Variants in CREB3L2 observed in about 807,000 individuals in gnomAD.
The protein encoded by CREB3L2 is cyclic AMP-responsive element-binding protein 3-like protein 2.
A neutral mutation model predicts 57.2 loss-of-function variants in CREB3L2; 23 were observed. That is an observed-to-expected ratio of 0.40 (90% confidence interval 0.29 to 0.57). The LOEUF (loss-of-function observed/expected upper bound fraction) is 0.57, where lower values mean the gene tolerates loss of function less well. Among genes scored for constraint, CREB3L2 ranks in the 20% least tolerant of loss-of-function variants. The pLI is 0.42. For synonymous variants in CREB3L2, 268 were observed against 265.1 expected, an observed-to-expected ratio of 1.01 and a Z score of -0.11; for missense variants, 628 against 634.7, an observed-to-expected ratio of 0.99 and a Z score of 0.11.
At chr7:137,926,942 AG>A (rs1800479055) in intron 2 of CREB3L2, among the ~76,000 whole-genome samples, 1 of 152,168 alleles carries the variant, frequency 6.6e-6, no homozygotes, top group Non-Finnish European at 1.5e-5. Context: ...TCAGCCCAGG[AG>A]TTCAAAACCA....
chr7:137,929,005 T>C (rs918795710), intron 1 of CREB3L2, among the ~76,000 whole-genome samples: 1 of 152,198 alleles, frequency 6.6e-6, no homozygotes, highest in East Asian at 1.9e-4. Context: ...CAATCCTCTG[T>C]TTCTATAGCA....
chr7:137,998,591 G>T (rs1229850534), intron 1 of CREB3L2, among the ~76,000 whole-genome samples: 1 of 152,158 alleles, frequency 6.6e-6, no homozygotes, highest in Non-Finnish European at 1.5e-5. Flanking sequence ...AAATAGCTGT[G>T]GGAACTGAGC....
At chr7:137,972,538 G>A (rs184563858) in intron 1 of CREB3L2, among the ~76,000 whole-genome samples, 22 of 149,510 alleles carry the variant, frequency 1.5e-4, no homozygotes, top group Admixed American at 1.2e-3. Flanking sequence ...AATAAGAACA[G>A]TATTTTTTTC....
At chr7:137,985,788 G>A (rs977075159) in intron 1 of CREB3L2, among the ~76,000 whole-genome samples, 2 of 152,154 alleles carry the variant, frequency 1.3e-5, no homozygotes, top group Non-Finnish European at 2.9e-5. Flanking sequence ...GCAGGTGCCT[G>A]AAAATTTGAA....
intron 8 of CREB3L2, among the ~76,000 whole-genome samples, chr7:137,892,204 T>C (rs559593490): frequency 3.4e-4 from 52 of 152,288 alleles, no homozygotes; most frequent in African/African-American, 1.2e-3. Context: ...AACTATCGAT[T>C]TGTGAAGCAT....
intron 2 of CREB3L2, among the ~76,000 whole-genome samples, chr7:137,927,261 C>T (rs1054780673): frequency 3.0e-4 from 34 of 114,836 alleles, no homozygotes; most frequent in South Asian, 6.4e-4. Context: ...CGGAACAGAA[C>T]GGAAAGGAAA....
intron 4 of CREB3L2, among the ~76,000 whole-genome samples, chr7:137,911,553 T>A (rs1279700718): frequency 6.6e-6 from 1 of 152,254 alleles, no homozygotes; most frequent in Non-Finnish European, 1.5e-5. Flanking sequence ...AAAGTATGAA[T>A]GGGACCGGGT....
At chr7:137,913,352 C>CA (rs1800056875) in intron 3 of CREB3L2, among the ~76,000 whole-genome samples, 1 of 151,854 alleles carries the variant, frequency 6.6e-6, no homozygotes, top group African/African-American at 2.4e-5. Flanking sequence ...CAAAAAAATA[C>CA]AAAAATTAGC....
At chr7:137,976,003 G>C (rs1316098511) in intron 1 of CREB3L2, among the ~76,000 whole-genome samples, 1 of 152,188 alleles carries the variant, frequency 6.6e-6, no homozygotes, top group Non-Finnish European at 1.5e-5. Flanking sequence ...CCAAGAGTCT[G>C]ATCCCATAAG....
At chr7:137,905,910 C>A in intron 5 of CREB3L2, 62 bp from the exon 6 acceptor site, 1 of 1,442,784 alleles carries the variant, frequency 6.9e-7, no homozygotes, top group Non-Finnish European at 9.4e-7. Flanking sequence ...TGAAGAATCA[C>A]CTCCCAATGG....
chr7:137,982,246 A>G (rs976742357), intron 1 of CREB3L2, among the ~76,000 whole-genome samples: 16 of 152,222 alleles, frequency 1.1e-4, no homozygotes, highest in African/African-American at 3.6e-4. Flanking sequence ...TCTTGAGGCC[A>G]TAAACTCAGC....
chr7:137,933,461 G>A (rs1426325155), intron 1 of CREB3L2, among the ~76,000 whole-genome samples: 1 of 152,166 alleles, frequency 6.6e-6, no homozygotes, highest in Non-Finnish European at 1.5e-5. Flanking sequence ...ATGTTTTCAT[G>A]AACATCCCCT....
chr7:137,977,567 T>C (rs1253862062), intron 1 of CREB3L2, among the ~76,000 whole-genome samples: 1 of 151,944 alleles, frequency 6.6e-6, no homozygotes. Flanking sequence ...AAATGACAGA[T>C]AGATTATCTA....
chr7:137,883,405 G>C (rs1220245164), intron 10 of CREB3L2, among the ~76,000 whole-genome samples: 2 of 152,090 alleles, frequency 1.3e-5, no homozygotes, highest in African/African-American at 4.8e-5. Flanking sequence ...CCCAGTGGAC[G>C]GCTGAAACCG....
chr7:137,878,483 C>T lies in CREB3L2; in HGVS notation c.*1993G>A, dbSNP rs1016282981. 3 of 233,384 alleles carry T rather than the reference C, an allele frequency of 1.3e-5. No individual in the cohort carries two copies. The highest frequency in any genetic ancestry group is 2.5e-5 in the Non-Finnish European group (3 of 118,304). The allele number at this position is 233,384 out of a possible 1,614,324, so 14.5% of individuals were successfully genotyped here. ...TCAGTGGAGGCCCATGGTTACCAGA[C>T]ACCAGCCAGGCCCAACAGGATCTGG... On this transcript the variant is annotated 3_prime_UTR_variant, in exon 12 of 12. Coordinates refer to ENST00000330387, the MANE Select transcript of CREB3L2 (RefSeq NM_194071.4).
chr7:137,968,081 T>C (rs1801438475), intron 1 of CREB3L2, among the ~76,000 whole-genome samples: 1 of 152,172 alleles, frequency 6.6e-6, no homozygotes, highest in Admixed American at 6.5e-5. Context: ...ATTTTCACCT[T>C]TCTTTCTGAC....
In CREB3L2 at chr7:137,880,350, G is replaced by A. The variant is rs1013482891; in HGVS notation, c.*126C>T. ...GAAGTCCCAGGCTGGTCTCCAATCTGAAGCCACTAATGCTTGCCCATGTCT... is the reference window on the plus strand; with the variant it reads ...GAAGTCCCAGGCTGGTCTCCAATCTAAAGCCACTAATGCTTGCCCATGTCT... On this transcript the variant is annotated 3_prime_UTR_variant, in exon 12 of 12. Coordinates refer to ENST00000330387, the MANE Select transcript of CREB3L2 (RefSeq NM_194071.4). This position sits in a 1 kb window ranked among gnomAD's most constrained non-coding sequence, Gnocchi z 4.0. The A allele has an allele frequency of 3.9e-6, 3 of 761,174 alleles. No homozygotes were observed. The highest frequency in any genetic ancestry group is 6.8e-6 in the Non-Finnish European group (3 of 441,132). 47.2% of individuals were successfully genotyped at this position (761,174 alleles called of 1,614,324 possible).
chr7:137,998,983 C>G (rs1172159678), intron 1 of CREB3L2, among the ~76,000 whole-genome samples: 1 of 152,190 alleles, frequency 6.6e-6, no homozygotes, highest in Non-Finnish European at 1.5e-5. Flanking sequence ...ACCCTCCCCT[C>G]AGGCTCTCTT....
At chr7:137,882,186 C>T (rs546089055) in intron 11 of CREB3L2, among the ~76,000 whole-genome samples, 8 of 152,282 alleles carry the variant, frequency 5.3e-5, no homozygotes, top group African/African-American at 1.9e-4. Context: ...CCCGCTGATG[C>T]AGCAGACATA....
Sources: gnomAD v4.1 joint callset for allele counts (sites outside exome capture counted in the v4.1 genomes callset) on GRCh38, gnomAD v4.1.1 for gene constraint, Gnocchi (gnomAD v3.1) non-coding constraint, MANE v1.5 for transcripts, NCBI Gene and HGNC (gene_info 2026-07-23, HGNC 2026-07-21) for gene names.